Variants in WDR35 observed in about 807,000 individuals in gnomAD.
WDR35 encodes the protein WD repeat domain 35.
A neutral mutation model predicts 158.3 loss-of-function variants in WDR35; 118 were observed. That is an observed-to-expected ratio of 0.75 (90% CI 0.64 to 0.87). The LOEUF is 0.87. Ranked by LOEUF, WDR35 falls within the 40% of genes least tolerant of loss-of-function variation. WDR35 has a pLI of 0.00. For synonymous variants in WDR35, 448 were observed against 476.1 expected, an observed-to-expected ratio of 0.94 and a Z score of 0.77; for missense variants, 1,263 against 1,405.8, an observed-to-expected ratio of 0.90 and a Z score of 1.62.
intron 2 of WDR35, 24 bp from the exon 3 acceptor site, chr2:19,982,558 C>A: frequency 6.2e-7 from 1 of 1,607,794 alleles, no homozygotes; most frequent in South Asian, 1.1e-5. Context: ...AAACAAACTA[C>A]TATGATAAAT....
intron 10 of WDR35, among the ~76,000 whole-genome samples, chr2:19,963,918 A>G (rs1042350580): frequency 6.6e-6 from 1 of 151,910 alleles, no homozygotes; most frequent in Non-Finnish European, 1.5e-5. Flanking sequence ...TAATTTTTGT[A>G]TATTTAGTAG....
Position 19,937,763 on chromosome 2 carries a change from C to T in WDR35, c.2247G>A (p.Thr749=), listed in dbSNP as rs549934040. 5.6e-6 allele frequency: 9 copies of T among 1,614,112 alleles called. No individual in the cohort carries two copies. The highest frequency in any genetic ancestry group is 1.6e-4 in the Middle Eastern group (1 of 6,062). Residue 749 remains threonine, a synonymous_variant, in exon 19 of 27, where the codon ACG becomes ACA. Coordinates refer to ENST00000281405, the MANE Select transcript of WDR35 (RefSeq NM_020779.4). ...YFGRFEEAER[T]YLEMDRRDLA... ...CTTACCTTCTGTCCATCTCGAGATA[C>T]GTTCTTTCAGCCTCTTCAAACCTGC... is the stretch of plus-strand genomic sequence containing the variant.
rs1006171833 is a variant in WDR35 at position 19,978,179 on chromosome 2, TAC to T, written c.436+570_436+571del. Among the ~76,000 whole-genome samples the T allele has an allele frequency of 1.2e-4, 17 of 144,444 alleles. 1 individual carries two copies. The highest frequency in any genetic ancestry group is 4.7e-4 in the South Asian group (2 of 4,276). 94.8% of individuals were successfully genotyped at this position (144,444 alleles called of 152,430 possible). On this transcript the variant is annotated intron_variant, in intron 5 of 26. Coordinates refer to ENST00000281405, the MANE Select transcript of WDR35 (RefSeq NM_020779.4). ...GAAACATTTGTTGACTACATGAAGT[TAC>T]ACACACACACACAGACACACACACA...
chr2:19,952,159 C>T (rs946708555), intron 12 of WDR35, among the ~76,000 whole-genome samples: 1 of 152,074 alleles, frequency 6.6e-6, no homozygotes, highest in Non-Finnish European at 1.5e-5. Flanking sequence ...TATCCCTTAC[C>T]CCCTACTACC....
At chr2:19,914,346 A>G in intron 25 of WDR35, 69 bp from the exon 26 acceptor site, 2 of 1,594,956 alleles carry the variant, frequency 1.3e-6, no homozygotes, top group Non-Finnish European at 1.7e-6. Context: ...GCAAAAGAAG[A>G]ATCTAAGTTA....
At chr2:19,971,122 T>A (rs1398805032) in intron 8 of WDR35, among the ~76,000 whole-genome samples, 1 of 152,250 alleles carries the variant, frequency 6.6e-6, no homozygotes, top group Non-Finnish European at 1.5e-5. Context: ...TTAATGTGGC[T>A]ATAAGGCAAT....
chr2:19,959,468 GTA>G (rs1023403791), intron 11 of WDR35, among the ~76,000 whole-genome samples: 4 of 151,820 alleles, frequency 2.6e-5, no homozygotes, highest in African/African-American at 9.7e-5. Context: ...ACACTAATGT[GTA>G]TATATATGTG....
intron 5 of WDR35, among the ~76,000 whole-genome samples, chr2:19,977,883 A>G (rs1672261552): frequency 6.6e-6 from 1 of 152,084 alleles, no homozygotes; most frequent in African/African-American, 2.4e-5. Context: ...ACCTCCTCAA[A>G]TACTACTTCT....
At chr2:19,947,530 C>A (rs1671097768) in intron 14 of WDR35, among the ~76,000 whole-genome samples, 2 of 152,158 alleles carry the variant, frequency 1.3e-5, no homozygotes, top group Non-Finnish European at 2.9e-5. Context: ...AATCTCAGAG[C>A]TCAAGAAAAG....
Position 19,973,689 on chromosome 2 carries a change from A to G in WDR35, c.756T>C (p.Thr252=). ...ENDQNPVLID[T]GMYVVGIQWN... is the part of the protein sequence containing the mutation. ...ACTGGATGCCTACTACGTACATGCC[A>G]GTGTCAATCAAAACGGGATCTAGTC... The change falls in exon 8 of 27, where the codon ACT becomes ACC. Residue 252 remains threonine (T), a synonymous_variant. Transcript: ENST00000281405. 2 of 1,614,052 alleles carry G rather than the reference A, an allele frequency of 1.2e-6. No homozygotes were observed. The highest frequency in any genetic ancestry group is 2.2e-5 in the South Asian group (2 of 91,062).
chr2:19,913,959 CT>C (rs1452466023), intron 26 of WDR35, 77 bp downstream of exon 26: 2 of 1,593,288 alleles, frequency 1.3e-6, no homozygotes, highest in African/African-American at 2.7e-5. Context: ...GCTTTAATTC[CT>C]ACATTAAACA....
intron 25 of WDR35, among the ~76,000 whole-genome samples, chr2:19,916,936 A>G (rs1670008375): frequency 6.6e-6 from 1 of 152,150 alleles, no homozygotes; most frequent in Non-Finnish European, 1.5e-5. Flanking sequence ...TGACTAGGAA[A>G]CACCTCCCAG....
At position 19,937,845 on chromosome 2, in the gene WDR35, C is replaced by T. The variant is rs758991146; in HGVS notation, c.2165G>A (p.Arg722His). ...TGACTCACTCAGTAGTTTGCCCAAG[C>T]GCTTCACAAACTTAATGCCTTGGTA... The part of the protein sequence containing the change: ...KDYQGIKFVK[R>H]LGKLLSESMK... Residue 722 changes from arginine to histidine, a missense_variant, in exon 19 of 27, where the codon CGC (arginine) becomes CAC (histidine). Arg to His is a conservative substitution (Grantham distance 29, BLOSUM62 0). Transcript: ENST00000281405. 5.1e-5 allele frequency: 83 copies of T among 1,614,120 alleles called. No individual in the cohort carries two copies. The highest frequency in any genetic ancestry group is 5.9e-5 in the Non-Finnish European group (70 of 1,180,002).
chr2:19,933,893 A>C (rs1670604505), intron 21 of WDR35, among the ~76,000 whole-genome samples: 1 of 152,186 alleles, frequency 6.6e-6, no homozygotes, highest in South Asian at 2.1e-4. Context: ...TAGAGACTTA[A>C]GGGAAATCTC....
intron 25 of WDR35, among the ~76,000 whole-genome samples, chr2:19,927,141 G>A (rs1265164633): frequency 1.3e-5 from 2 of 152,148 alleles, no homozygotes; most frequent in East Asian, 1.9e-4. Context: ...CTGACACAGG[G>A]AACAATTACA....
chr2:19,966,936 A>C, intron 9 of WDR35, 27 bp from the exon 10 acceptor site: 1 of 1,607,198 alleles, frequency 6.2e-7, no homozygotes, highest in East Asian at 2.2e-5. Flanking sequence ...GAGGAAAGGG[A>C]AGGAGATTGA....
At chr2:19,970,932 C>A (rs370061127) in intron 8 of WDR35, among the ~76,000 whole-genome samples, 2 of 152,140 alleles carry the variant, frequency 1.3e-5, no homozygotes, top group Admixed American at 1.3e-4. Flanking sequence ...CTTAAGAGTA[C>A]TAACTGTATC....
chr2:19,933,378 A>T (rs777889614), intron 22 of WDR35, 23 bp downstream of exon 22: 1 of 1,588,022 alleles, frequency 6.3e-7, no homozygotes, highest in Non-Finnish European at 8.6e-7. Context: ...TAAGCTGCAC[A>T]GACAGAAAGT....
intron 11 of WDR35, among the ~76,000 whole-genome samples, chr2:19,956,195 T>G (rs1671425529): frequency 6.6e-6 from 1 of 152,208 alleles, no homozygotes; most frequent in African/African-American, 2.4e-5. Flanking sequence ...CTTAGTGTAA[T>G]TTGAAGCAAG....
Sources: gnomAD v4.1 joint callset for allele counts (sites outside exome capture counted in the v4.1 genomes callset) on GRCh38, gnomAD v4.1.1 for gene constraint, MANE v1.5 for transcripts, NCBI Gene and HGNC (gene_info 2026-07-23, HGNC 2026-07-21) for gene names.